Variants in SPTAN1 observed in about 807,000 individuals in gnomAD.
SPTAN1 encodes spectrin alpha, non-erythrocytic 1, also known as spectrin alpha chain, non-erythrocytic 1.
SPTAN1 carries 61 observed loss-of-function variants against 331.3 expected under a neutral mutation model. That is an observed-to-expected ratio of 0.18 (90% CI 0.15 to 0.23). The LOEUF is 0.23. Among genes scored for constraint, SPTAN1 ranks in the 10% least tolerant of loss-of-function variants. The pLI, the probability that SPTAN1 is intolerant of heterozygous loss-of-function variation, is 1.00. For missense variants in SPTAN1, 2,043 were observed against 3,147.9 expected, an observed-to-expected ratio of 0.65 and a Z score of 8.40; for synonymous variants, 1,153 against 1,173.9, an observed-to-expected ratio of 0.98 and a Z score of 0.36.
intron 42 of SPTAN1, 70 bp downstream of exon 42, chr9:128,617,830 T>C: frequency 1.2e-6 from 2 of 1,612,088 alleles, no homozygotes; most frequent in African/African-American, 2.7e-5. Context: ...GACAAACCCC[T>C]TGCGCTTATT....
chr9:128,583,586 C>T (rs1045103763), intron 15 of SPTAN1, among the ~76,000 whole-genome samples: 11 of 152,244 alleles, frequency 7.2e-5, no homozygotes, highest in African/African-American at 2.6e-4. Context: ...CCTTATATCT[C>T]AAGGGGGTTA....
At chr9:128,587,845 T>TTATG in intron 20 of SPTAN1, 147 bp downstream of exon 20, 1 of 669,098 alleles carries the variant, frequency 1.5e-6, no homozygotes, top group East Asian at 2.9e-5. Context: ...TAAGATTTAT[T>TTATG]TATTTATTTA....
intron 2 of SPTAN1, among the ~76,000 whole-genome samples, chr9:128,568,442 T>C (rs997353798): frequency 1.3e-5 from 2 of 152,218 alleles, no homozygotes; most frequent in Non-Finnish European, 2.9e-5. Context: ...TAGAAGGGAC[T>C]GGATGTTCAC....
Position 128,627,151 on chromosome 9 carries a change from T to G in SPTAN1, c.6577-235T>G, listed in dbSNP as rs758994692. ...TCTGACAGTCCAGCAACTCCCTGCT[T>G]GACTGACCAGTCGCTTCCCTCCAGG... is the stretch of plus-strand genomic sequence containing the variant. On this transcript the variant is annotated intron_variant, in intron 49 of 56. Coordinates refer to ENST00000372739, the MANE Select transcript of SPTAN1 (RefSeq NM_001130438.3). The surrounding 1 kb of genome is among the most constrained non-coding windows in gnomAD (Gnocchi z 4.9). The G allele has an allele frequency of 2.4e-5, 15 of 626,166 alleles. 1 individual carries two copies. The highest frequency in any genetic ancestry group is 2.2e-4 in the South Asian group (14 of 64,924). 38.8% of individuals were successfully genotyped at this position (626,166 alleles called of 1,614,324 possible).
At chr9:128,558,766 G>A (rs1171737319) in intron 1 of SPTAN1, among the ~76,000 whole-genome samples, 1 of 152,212 alleles carries the variant, frequency 6.6e-6, no homozygotes, top group Non-Finnish European at 1.5e-5. Context: ...AGCCTCGGTT[G>A]TGGAAGGAAT....
chr9:128,622,461 G>A (rs554384831), intron 45 of SPTAN1, among the ~76,000 whole-genome samples: 1 of 151,892 alleles, frequency 6.6e-6, no homozygotes, highest in East Asian at 2.0e-4. Context: ...CACTATGCCC[G>A]GCTAATTTTG....
chr9:128,578,026 C>G, intron 8 of SPTAN1, 84 bp from the exon 9 acceptor site: 1 of 1,419,802 alleles, frequency 7.0e-7, no homozygotes, highest in South Asian at 1.2e-5. Context: ...CATTTGAGAA[C>G]ATAGAATTCA....
intron 20 of SPTAN1, among the ~76,000 whole-genome samples, chr9:128,587,958 GAC>G (rs1852880409): frequency 6.6e-6 from 1 of 151,704 alleles, no homozygotes; most frequent in Non-Finnish European, 1.5e-5. Context: ...CGATTTTCCT[GAC>G]TCAGCCTCCT....
At chr9:128,606,094 G>A (rs531070254) in intron 31 of SPTAN1, among the ~76,000 whole-genome samples, 4 of 151,774 alleles carry the variant, frequency 2.6e-5, no homozygotes, top group South Asian at 4.2e-4. Context: ...CTCTGCAGCC[G>A]GGCACGGTGG....
At chr9:128,565,211 G>C (rs947667275) in intron 1 of SPTAN1, among the ~76,000 whole-genome samples, 12 of 152,200 alleles carry the variant, frequency 7.9e-5, no homozygotes, top group African/African-American at 2.7e-4. Flanking sequence ...GCTGAGGCAG[G>C]AGAATCACTT....
chr9:128,609,126 C>T lies in SPTAN1; in HGVS notation c.4600C>T (p.Arg1534Ter). 1 of 1,614,146 alleles carries T rather than the reference C, an allele frequency of 6.2e-7. No homozygotes were observed. Among genetic ancestry groups the T allele is most frequent in the Non-Finnish European group, 8.5e-7 (1 of 1,180,024 alleles). ...SRRNEVLDRW[R>*]RLKAQMIEKR... ...CTCATGGTTTCACTCTTTCAGGTGG[C>T]GACGTCTGAAAGCCCAGATGATTGA... Residue 1534 changes from arginine (R) to a stop codon, truncating the protein, a stop_gained, in exon 36 of 57, where the codon CGA (arginine) becomes TGA (stop). Coordinates refer to ENST00000372739, the MANE Select transcript of SPTAN1 (RefSeq NM_001130438.3). LOFTEE classifies it high-confidence loss of function.
intron 9 of SPTAN1, 139 bp from the exon 10 acceptor site, chr9:128,579,498 A>G (rs1247675523): frequency 2.9e-6 from 2 of 696,932 alleles, no homozygotes; most frequent in African/African-American, 3.5e-5. Flanking sequence ...TGTATTAGGA[A>G]ATCTGGCCTA....
chr9:128,560,026 T>A (rs1186335415), intron 1 of SPTAN1, among the ~76,000 whole-genome samples: 1 of 151,600 alleles, frequency 6.6e-6, no homozygotes, highest in African/African-American at 2.4e-5. Flanking sequence ...TGAGCCACCC[T>A]GCCTGGCCGA....
intron 45 of SPTAN1, among the ~76,000 whole-genome samples, chr9:128,622,413 C>T (rs1858004716): frequency 6.6e-6 from 1 of 150,688 alleles, no homozygotes; most frequent in East Asian, 2.0e-4. Flanking sequence ...GATGCTTCTG[C>T]CTCAGCCTCC....
chr9:128,605,281 A>G lies in SPTAN1; in HGVS notation c.3865-15A>G. ...CCCCCTTACTGCAAGCTCATTCACC[A>G]CTTTCTTCCCATAGGTAAACTCCCT... On this transcript the variant is annotated splice_polypyrimidine_tract_variant and intron_variant, in intron 30 of 56. Transcript: ENST00000372739. 1.9e-6 allele frequency: 3 copies of G among 1,614,032 alleles called. No individual in the cohort carries two copies. In the South Asian group the frequency reaches 3.3e-5, roughly 18 times the overall value.
At position 128,566,911 on chromosome 9, in the gene SPTAN1, G is replaced by A; in HGVS notation, c.171G>A (p.Glu57=). ...TTCAAAGAGATGCTGAAGAGCTGGA[G>A]AAATGGATACAGGAAAAACTTCAGA... ...QFFQRDAEEL[E]KWIQEKLQIA... The change falls in exon 2 of 57, where the codon GAG becomes GAA. Residue 57 remains glutamate, a synonymous_variant. Coordinates refer to ENST00000372739, the MANE Select transcript of SPTAN1 (RefSeq NM_001130438.3). 6.2e-7 allele frequency: 1 copy of A among 1,614,186 alleles called. No homozygotes were observed. Among genetic ancestry groups the A allele is most frequent in the Non-Finnish European group, 8.5e-7 (1 of 1,180,020 alleles).
intron 51 of SPTAN1, 76 bp from the exon 52 acceptor site, chr9:128,630,245 C>G: frequency 2.0e-6 from 3 of 1,531,896 alleles, no homozygotes; most frequent in South Asian, 1.1e-5. Flanking sequence ...GCATTGCTCT[C>G]TCTGAGAGAA....
intron 48 of SPTAN1, among the ~76,000 whole-genome samples, 171 bp downstream of exon 48, chr9:128,626,149 C>T (rs572980957): frequency 1.2e-4 from 18 of 152,270 alleles, no homozygotes; most frequent in Non-Finnish European, 2.2e-4. Flanking sequence ...TGAGAGGGCC[C>T]TGTGAGATCG....
At position 128,594,176 on chromosome 9, in the gene SPTAN1, T is replaced by C. The variant is rs751539530; in HGVS notation, c.3217T>C (p.Tyr1073His). 1 of 1,614,082 alleles carries C rather than the reference T, an allele frequency of 6.2e-7. No homozygotes were observed. Among genetic ancestry groups the C allele is most frequent in the South Asian group, 1.1e-5 (1 of 91,088 alleles). Residue 1073 changes from tyrosine (Y) to histidine (H), a missense_variant and splice_region_variant, in exon 24 of 57, where the codon TAT becomes CAT. Physicochemically the swap from Tyr to His is moderately conservative, Grantham distance 83 (BLOSUM62 2). Transcript: ENST00000372739. The part of the protein sequence containing the change: ...SLRMKQVEEL[Y>H]HSLLELGEKR... The stretch of plus-strand genomic sequence containing the variant: ...TGTCACCCTCTTGAATTCCATCAGA[T>C]ATCATTCTCTGCTGGAACTGGGTGA...
Sources: allele counts gnomAD v4.1 joint callset (sites outside exome capture counted in the v4.1 genomes callset), GRCh38; gene constraint gnomAD v4.1.1; non-coding constraint Gnocchi (gnomAD v3.1); transcripts MANE v1.5; gene names NCBI Gene and HGNC (gene_info 2026-07-23, HGNC 2026-07-21).